The following EPHB2 variants were observed in gnomAD, a reference collection of about 807,000 sequenced individuals.
The protein encoded by EPHB2 is ephrin type-B receptor 2.
Under a neutral mutation model 96.4 loss-of-function variants are expected in EPHB2, and 18 were observed. That is an observed-to-expected ratio of 0.19 (90% CI 0.13 to 0.28). The LOEUF is 0.28. EPHB2 is among the 10% of genes least tolerant of loss of function. EPHB2 has a pLI of 1.00. For missense variants in EPHB2, 989 were observed against 1,355.4 expected, an observed-to-expected ratio of 0.73 and a Z score of 4.25; for synonymous variants, 506 against 534.1, an observed-to-expected ratio of 0.95 and a Z score of 0.72.
At chr1:22,805,330 C>G (rs964345441) in intron 3 of EPHB2, among the ~76,000 whole-genome samples, 42 of 152,120 alleles carry the variant, frequency 2.8e-4, no homozygotes, top group Non-Finnish European at 1.5e-4. Flanking sequence ...CCTCAGTTTC[C>G]CCCCCAGGCC....
At chr1:22,822,919 G>A (rs184040043) in intron 3 of EPHB2, among the ~76,000 whole-genome samples, 33 of 152,362 alleles carry the variant, frequency 2.2e-4, no homozygotes, top group South Asian at 1.2e-3. Flanking sequence ...TTCCCTCTGC[G>A]TGGCAGAGAA....
intron 2 of EPHB2, among the ~76,000 whole-genome samples, chr1:22,782,016 C>T (rs1644540126): frequency 6.6e-6 from 1 of 152,098 alleles, no homozygotes; most frequent in Admixed American, 6.6e-5. Context: ...GTCCCCATAA[C>T]ACAAAGCTCC....
chr1:22,920,946 C>G lies in EPHB2; in HGVS notation c.*7376C>G, dbSNP rs1248349507. 1 of 152,250 alleles carries G rather than the reference C, an allele frequency of 6.6e-6. No homozygotes were observed. The highest frequency in any genetic ancestry group is 1.5e-5 in the Non-Finnish European group (1 of 68,066). The allele number at this position is 152,250 out of a possible 1,614,324, so 9.4% of individuals were successfully genotyped here. Reference sequence around the variant, plus strand: ...AACTCAGAGACGTGACATGGTGGCTCTCCCAGGTCACACAGCCAGTAAGTG... The same window carrying G: ...AACTCAGAGACGTGACATGGTGGCTGTCCCAGGTCACACAGCCAGTAAGTG... On this transcript the variant is annotated 3_prime_UTR_variant, in exon 16 of 16. Coordinates refer to ENST00000374630, the MANE Select transcript of EPHB2 (RefSeq NM_017449.5).
At chr1:22,752,507 TAATAAAATAATAA>T (rs1219658132) in intron 1 of EPHB2, among the ~76,000 whole-genome samples, 1 of 148,616 alleles carries the variant, frequency 6.7e-6, no homozygotes, top group Non-Finnish European at 1.5e-5. Flanking sequence ...TAAAATATAA[TAATAAAATAATAA>T]AATAAAATAA....
At chr1:22,840,721 G>A (rs1035295939) in intron 3 of EPHB2, among the ~76,000 whole-genome samples, 8 of 152,052 alleles carry the variant, frequency 5.3e-5, no homozygotes, top group Admixed American at 6.5e-5. Flanking sequence ...TTTGCCTCCC[G>A]AAGTGCTGGG....
intron 2 of EPHB2, among the ~76,000 whole-genome samples, chr1:22,782,226 T>C (rs1296587459): frequency 6.6e-6 from 1 of 152,206 alleles, no homozygotes; most frequent in Non-Finnish European, 1.5e-5. Context: ...GATGATGTTT[T>C]AGACCTCACA....
At chr1:22,765,403 C>G (rs1006553902) in intron 1 of EPHB2, among the ~76,000 whole-genome samples, 25 of 151,972 alleles carry the variant, frequency 1.6e-4, no homozygotes, top group African/African-American at 6.0e-4. Context: ...AAAAATTAGC[C>G]AGGCATGGTG....
intron 3 of EPHB2, among the ~76,000 whole-genome samples, chr1:22,794,250 G>C (rs1321501922): frequency 1.3e-5 from 2 of 152,146 alleles, no homozygotes; most frequent in East Asian, 3.9e-4. Flanking sequence ...GGGGTAACCA[G>C]GAGGGCTTCT....
In EPHB2 at chr1:22,865,249, T is replaced by C. The variant is rs372830449; in HGVS notation, c.1303+37T>C. On this transcript the variant is annotated intron_variant, in intron 5 of 15. Coordinates refer to ENST00000374630, the MANE Select transcript of EPHB2 (RefSeq NM_017449.5). ...CGACGTGGGCCAGGGGAGTGCCCCA[T>C]CGCGCTGTGCCAGGGAGGGTCCTGC... 4.8e-4 allele frequency: 781 copies of C among 1,611,160 alleles called. 10 individuals are homozygous for C. The South Asian group carries it at 7.8e-3, about 16-fold the overall frequency.
At chr1:22,841,606 T>G (rs1195267885) in intron 3 of EPHB2, among the ~76,000 whole-genome samples, 1 of 151,984 alleles carries the variant, frequency 6.6e-6, no homozygotes, top group Non-Finnish European at 1.5e-5. Flanking sequence ...GTGGCCACAT[T>G]TAGGAAACAC....
chr1:22,754,811 C>G, intron 1 of EPHB2, among the ~76,000 whole-genome samples: 1 of 2,712 alleles, frequency 3.7e-4, no homozygotes, highest in Non-Finnish European at 1.3e-3. Context: ...AGGTGAGAGG[C>G]AGGGGAAGGG....
intron 1 of EPHB2, among the ~76,000 whole-genome samples, chr1:22,779,100 G>A (rs1317649328): frequency 2.0e-5 from 3 of 152,354 alleles, no homozygotes; most frequent in South Asian, 2.1e-4. Flanking sequence ...CAGAGAGCCC[G>A]GCTTGGCGCG....
chr1:22,873,630 G>A (rs1021155120), intron 5 of EPHB2, among the ~76,000 whole-genome samples: 17 of 152,178 alleles, frequency 1.1e-4, no homozygotes, highest in African/African-American at 3.6e-4. Context: ...TTTCTCATGT[G>A]TGAAGCGTGT....
Position 22,892,973 on chromosome 1 carries a change from C to T in EPHB2, c.1518C>T (p.Phe506=), listed in dbSNP as rs1639440694. 2 of 1,614,226 alleles carry T rather than the reference C, an allele frequency of 1.2e-6. No individual in the cohort carries two copies. The highest frequency in any genetic ancestry group is 1.3e-5 in the African/African-American group (1 of 75,070). The change falls in exon 7 of 16, where the codon TTC becomes TTT. Residue 506 remains phenylalanine, a synonymous_variant. Transcript: ENST00000374630. ...QGLKAGAIYV[F]QVRARTVAGY... ...TCAAAGCCGGCGCCATCTATGTCTT[C>T]CAGGTGCGGGCACGCACCGTGGCAG...
At chr1:22,753,561 G>T (rs1257783299) in intron 1 of EPHB2, among the ~76,000 whole-genome samples, 2 of 152,194 alleles carry the variant, frequency 1.3e-5, no homozygotes, top group Non-Finnish European at 2.9e-5. Flanking sequence ...AGTCGGAAGG[G>T]AAGGCAAGGG....
intron 3 of EPHB2, among the ~76,000 whole-genome samples, chr1:22,794,503 C>G (rs562081033): frequency 6.6e-6 from 1 of 152,280 alleles, no homozygotes; most frequent in African/African-American, 2.4e-5. Context: ...TCCTTGAATC[C>G]TCTCATCAGA....
chr1:22,819,747 A>T lies in EPHB2; in HGVS notation c.811+34671A>T, dbSNP rs536793926. On this transcript the variant is annotated intron_variant, in intron 3 of 15. Transcript: ENST00000374630. ...ATTTCCTGGGAGCCTGGTGAGGAAG[A>T]GGCCCCTGGGTACCTCCAGTGAGGA... Among the ~76,000 whole-genome samples, 3 of 152,080 alleles carry T rather than the reference A, an allele frequency of 2.0e-5. No individual in the cohort carries two copies. In the East Asian group the frequency reaches 5.8e-4, roughly 30 times the overall value.
intron 3 of EPHB2, among the ~76,000 whole-genome samples, chr1:22,811,784 A>T (rs1260544048): frequency 6.6e-6 from 1 of 152,222 alleles, no homozygotes; most frequent in African/African-American, 2.4e-5. Context: ...CATGCCTGGA[A>T]TCCCAACTCT....
intron 3 of EPHB2, among the ~76,000 whole-genome samples, chr1:22,814,747 A>G (rs1434308706): frequency 6.6e-6 from 1 of 152,212 alleles, no homozygotes; most frequent in African/African-American, 2.4e-5. Flanking sequence ...GGCGGGGAAG[A>G]AGCATGGGCT....
Sources: gnomAD v4.1 joint callset for allele counts (sites outside exome capture counted in the v4.1 genomes callset) on GRCh38, gnomAD v4.1.1 for gene constraint, MANE v1.5 for transcripts, NCBI Gene and HGNC (gene_info 2026-07-23, HGNC 2026-07-21) for gene names.